The following RARB variants were observed in gnomAD, a reference collection of about 807,000 sequenced individuals.
RARB encodes HBV-activated protein.
Under a neutral mutation model 51.9 loss-of-function variants are expected in RARB, and 17 were observed. The observed-to-expected ratio is 0.33, with a 90% CI of 0.22 to 0.49. The LOEUF is 0.49. RARB is among the 20% of genes least tolerant of loss of function. The probability of loss-of-function intolerance (pLI) is 0.99; values close to 1 mark genes in which losing one functional copy is unlikely to be tolerated. For synonymous variants in RARB, 215 were observed against 195.4 expected (o/e 1.10, Z -0.84); for missense variants, 369 against 550.8 (o/e 0.67, Z 3.30).
chr3:24,902,142 A>G (rs1324063261), intron 2 of RARB, among the ~76,000 whole-genome samples: 4 of 152,182 alleles, frequency 2.6e-5, no homozygotes, highest in Non-Finnish European at 5.9e-5. Flanking sequence ...TTAAAGATTC[A>G]GGAAGGTTAA....
intron 2 of RARB, among the ~76,000 whole-genome samples, chr3:24,870,425 C>T (rs545446949): frequency 7.9e-5 from 12 of 152,128 alleles, no homozygotes; most frequent in African/African-American, 2.9e-4. Flanking sequence ...GTGTTTCTGT[C>T]ATAAGTCAAA....
At chr3:24,833,897 C>A (rs1178250196) in intron 1 of RARB, among the ~76,000 whole-genome samples, 1 of 152,326 alleles carries the variant, frequency 6.6e-6, no homozygotes, top group East Asian at 1.9e-4. Flanking sequence ...CATATCTCAC[C>A]TTTGTTCACC....
At chr3:25,007,154 A>G (rs1208198324) in intron 2 of RARB, among the ~76,000 whole-genome samples, 1 of 152,218 alleles carries the variant, frequency 6.6e-6, no homozygotes, top group Non-Finnish European at 1.5e-5. Context: ...ATATTTAAGA[A>G]AACTTACAGC....
At chr3:25,027,353 G>T (rs947551301) in intron 2 of RARB, among the ~76,000 whole-genome samples, 1 of 152,156 alleles carries the variant, frequency 6.6e-6, no homozygotes, top group African/African-American at 2.4e-5. Context: ...TACCCAAGCA[G>T]GCTGGGCAAT....
At chr3:24,905,787 C>G (rs1694849949) in intron 2 of RARB, among the ~76,000 whole-genome samples, 1 of 152,150 alleles carries the variant, frequency 6.6e-6, no homozygotes, top group Admixed American at 6.6e-5. Flanking sequence ...GGATGTTTGT[C>G]AGACATCCTA....
At chr3:24,860,591 CACAT>C in intron 2 of RARB, among the ~76,000 whole-genome samples, 1 of 152,228 alleles carries the variant, frequency 6.6e-6, no homozygotes, top group Non-Finnish European at 1.5e-5. Flanking sequence ...TCTCTATACA[CACAT>C]AAATAAATAA....
intron 2 of RARB, among the ~76,000 whole-genome samples, chr3:25,037,966 C>A (rs1698032097): frequency 1.3e-5 from 2 of 152,124 alleles, no homozygotes; most frequent in Admixed American, 6.5e-5. Flanking sequence ...CATGTTTAAA[C>A]CCCCTAGCCA....
intron 5 of RARB, among the ~76,000 whole-genome samples, chr3:25,201,236 G>C (rs561599871): frequency 5.3e-5 from 8 of 152,080 alleles, no homozygotes; most frequent in African/African-American, 1.9e-4. Context: ...CTGTTTTTCT[G>C]TTATTGCTGT....
chr3:25,521,647 T>C (rs557578481), intron 3 of RARB, among the ~76,000 whole-genome samples: 188 of 152,236 alleles, frequency 1.2e-3, no homozygotes, highest in Non-Finnish European at 2.0e-3. Flanking sequence ...AGCACTAGGC[T>C]GAGAACCCAG....
intron 3 of RARB, 146 bp from the exon 4 acceptor site, chr3:25,569,612 G>A (rs886372688): frequency 2.1e-5 from 19 of 920,560 alleles, no homozygotes; most frequent in African/African-American, 3.3e-5. Flanking sequence ...CTTTTCCAGG[G>A]AGGTGTGTTA....
chr3:25,439,963 C>A (rs781762787), intron 1 of RARB, among the ~76,000 whole-genome samples: 1 of 152,106 alleles, frequency 6.6e-6, no homozygotes, highest in Non-Finnish European at 1.5e-5. Context: ...GGTAGACATT[C>A]TTCGTGCACT....
chr3:25,129,888 C>T (rs1699918292), intron 3 of RARB, among the ~76,000 whole-genome samples: 1 of 151,956 alleles, frequency 6.6e-6, no homozygotes, highest in Admixed American at 6.6e-5. Flanking sequence ...GTGTTTTTGG[C>T]TGATTAAAAA....
intron 3 of RARB, among the ~76,000 whole-genome samples, chr3:25,532,010 G>A (rs542432821): frequency 3.8e-4 from 58 of 152,206 alleles, no homozygotes; most frequent in African/African-American, 1.4e-3. Context: ...GGGAGATTTT[G>A]AGCTGTGCAG....
rs547159760 is a variant in RARB, at chr3:25,357,361, TG to T, written c.179-103831del. On this transcript the variant is annotated intron_variant, in intron 5 of 11. Transcript: ENST00000383772. ...TCCTTCTCCCACTTTTTGTTGGGGT[TG>T]TTTTTTTCTTGTAAATTTGTTTAAG... Among the ~76,000 whole-genome samples the T allele has an allele frequency of 2.0e-5, 3 of 152,042 alleles. No individual in the cohort carries two copies. The South Asian group carries it at 6.2e-4, about 31-fold the overall frequency.
chr3:25,559,957 AGATG>A (rs1256059470), intron 3 of RARB, among the ~76,000 whole-genome samples: 1 of 151,802 alleles, frequency 6.6e-6, no homozygotes, highest in Non-Finnish European at 1.5e-5. Flanking sequence ...ATGGATAGAC[AGATG>A]GATGGATGGA....
intron 3 of RARB, among the ~76,000 whole-genome samples, chr3:25,510,571 G>A (rs1470231861): frequency 1.3e-5 from 2 of 151,764 alleles, no homozygotes; most frequent in African/African-American, 4.8e-5. Flanking sequence ...GGCTGCATTG[G>A]GCCAAGATCG....
chr3:24,832,583 G>A (rs987037969), intron 1 of RARB, among the ~76,000 whole-genome samples: 1 of 132,298 alleles, frequency 7.6e-6, no homozygotes, highest in Non-Finnish European at 1.6e-5. Context: ...GGGGATTCAA[G>A]GATGAGTTAG....
chr3:24,896,088 C>T (rs760421125), intron 2 of RARB, among the ~76,000 whole-genome samples: 4 of 152,090 alleles, frequency 2.6e-5, no homozygotes, highest in Non-Finnish European at 5.9e-5. Context: ...TGACATTATA[C>T]TAAGTAAAAT....
intron 3 of RARB, among the ~76,000 whole-genome samples, chr3:25,563,512 A>G (rs1446085475): frequency 1.3e-5 from 2 of 152,186 alleles, no homozygotes; most frequent in Admixed American, 1.3e-4. Flanking sequence ...TGTAGAAGAA[A>G]TGTTTACTCA....
Sources: gnomAD v4.1 joint callset for allele counts (sites outside exome capture counted in the v4.1 genomes callset) on GRCh38, gnomAD v4.1.1 for gene constraint, MANE v1.5 for transcripts, NCBI Gene and HGNC (gene_info 2026-07-23, HGNC 2026-07-21) for gene names.